Variants in ABLIM2 observed in about 807,000 individuals in gnomAD.
ABLIM2 encodes actin-binding LIM protein 2.
In ABLIM2, 53 loss-of-function variants were observed where a neutral mutation model predicts 97.7. The observed-to-expected ratio is 0.54, with a 90% CI of 0.44 to 0.68. ABLIM2 has a LOEUF of 0.68. Ranked by LOEUF, ABLIM2 falls within the 30% of genes least tolerant of loss-of-function variation. ABLIM2 has a pLI of 0.00. For synonymous variants in ABLIM2, 361 were observed against 345.8 expected (o/e 1.04, Z -0.49); for missense variants, 835 against 867.2 (o/e 0.96, Z 0.47).
rs1192591002 is a variant in ABLIM2 at position 8,003,421 on chromosome 4, C to T, written c.1618+4638G>A. 2.6e-5 allele frequency among the ~76,000 whole-genome samples: 4 copies of T among 152,112 alleles called. No homozygotes were observed. Among genetic ancestry groups the T allele is most frequent in the South Asian group, 2.1e-4 (1 of 4,824 alleles). On this transcript the variant is annotated intron_variant, in intron 16 of 20. Coordinates refer to ENST00000447017, the MANE Select transcript of ABLIM2 (RefSeq NM_001130083.2). The surrounding 1 kb of genome is among the most constrained non-coding windows in gnomAD (Gnocchi z 4.2). ...TGGAGGGTGTGTGGGTACTGAGGTT[C>T]GCTTTCTACCCAATATACATCGCTT...
chr4:8,124,090 A>G lies in ABLIM2; in HGVS notation c.11-17453T>C, dbSNP rs2152895704. On this transcript the variant is annotated intron_variant, in intron 1 of 20. Coordinates refer to ENST00000447017, the MANE Select transcript of ABLIM2 (RefSeq NM_001130083.2). The surrounding 1 kb of genome is among the most constrained non-coding windows in gnomAD (Gnocchi z 6.1). ...TGTAGGCCACAAACAAAAACCACAC[A>G]CTCTCACACACCTGGGACATATGAT... is the stretch of plus-strand genomic sequence containing the variant. 6.6e-6 allele frequency among the ~76,000 whole-genome samples: 1 copy of G among 152,028 alleles called. No homozygotes were observed. Among genetic ancestry groups the G allele is most frequent in the East Asian group, 1.9e-4 (1 of 5,162 alleles).
chr4:8,054,340 A>ACGTCTGTG lies in ABLIM2; in HGVS notation c.764-95_764-94insCACAGACG. 2 of 1,322,736 alleles carry ACGTCTGTG rather than the reference A, an allele frequency of 1.5e-6. No individual in the cohort carries two copies. Among genetic ancestry groups the ACGTCTGTG allele is most frequent in the Non-Finnish European group, 2.2e-6 (2 of 930,224 alleles). 81.9% of individuals were successfully genotyped at this position (1,322,736 alleles called of 1,614,324 possible). ...CGCAGAGGAGGGAGCTGGTCCATGC[A>ACGTCTGTG]CAGACGTGCACTCGGACTCCACCCT... On this transcript the variant is annotated intron_variant, in intron 7 of 20. Coordinates refer to ENST00000447017, the MANE Select transcript of ABLIM2 (RefSeq NM_001130083.2). This position sits in a 1 kb window ranked among gnomAD's most constrained non-coding sequence, Gnocchi z 4.9.
Position 8,061,027 on chromosome 4 carries a change from A to G in ABLIM2, c.703T>C (p.Cys235Arg). The stretch of plus-strand genomic sequence containing the variant: ...TGGCCGCACCTGACACATAGCGCGC[A>G]GGAAGGGTGGTAGTGCTTCTCTCCG... ...EAGEKHYHPSCALCVRCGQMF... is the reference protein window; with the variant it reads ...EAGEKHYHPSRALCVRCGQMF... The change falls in exon 7 of 21, where the codon TGC becomes CGC. Residue 235 changes from cysteine (C) to arginine (R), a missense_variant. Transcript: ENST00000447017. This position sits in a 1 kb window ranked among gnomAD's most constrained non-coding sequence, Gnocchi z 4.5. 6.3e-7 allele frequency: 1 copy of G among 1,597,904 alleles called. No homozygotes were observed. The highest frequency in any genetic ancestry group is 1.3e-5 in the African/African-American group (1 of 74,786).
In ABLIM2 at chr4:8,008,995, A is replaced by C. The variant is rs915394824; in HGVS notation, c.1476+55T>G. The C allele has an allele frequency of 1.9e-6, 3 of 1,603,082 alleles. No homozygotes were observed. In the African/African-American group the frequency reaches 4.0e-5, roughly 21 times the overall value. On this transcript the variant is annotated intron_variant, in intron 15 of 20. Transcript: ENST00000447017. ...TCTCAATCGGAGAAGCCCTCACAAA[A>C]GCAATTTCTTTCTGAGCAAGGCTGT...
At chr4:8,151,796 G>C (rs1712898980) in intron 1 of ABLIM2, among the ~76,000 whole-genome samples, 1 of 151,608 alleles carries the variant, frequency 6.6e-6, no homozygotes, top group African/African-American at 2.4e-5. Flanking sequence ...TGTGTAAGCA[G>C]GGGGAGAGGC....
At chr4:8,062,951 G>A (rs183243420) in intron 6 of ABLIM2, among the ~76,000 whole-genome samples, 1 of 152,340 alleles carries the variant, frequency 6.6e-6, no homozygotes, top group African/African-American at 2.4e-5. Context: ...AACAGCAGGA[G>A]TTCTGTGACA....
chr4:8,068,437 C>T lies in ABLIM2; in HGVS notation c.676-7383G>A, dbSNP rs1809515983. On this transcript the variant is annotated intron_variant, in intron 6 of 20. Coordinates refer to ENST00000447017, the MANE Select transcript of ABLIM2 (RefSeq NM_001130083.2). The surrounding 1 kb of genome is among the most constrained non-coding windows in gnomAD (Gnocchi z 4.5). Reference sequence around the variant, plus strand: ...GGCAGCGGTTTAAGGGACGTCCCCACTGTGACGTGCAGAATAGGGCCAGCA... The same window carrying T: ...GGCAGCGGTTTAAGGGACGTCCCCATTGTGACGTGCAGAATAGGGCCAGCA... Among the ~76,000 whole-genome samples, 1 of 152,186 alleles carries T rather than the reference C, an allele frequency of 6.6e-6. No individual in the cohort carries two copies. The highest frequency in any genetic ancestry group is 6.5e-5 in the Admixed American group (1 of 15,278).
chr4:8,039,807 G>A (rs1321603381), intron 9 of ABLIM2, among the ~76,000 whole-genome samples: 1 of 151,172 alleles, frequency 6.6e-6, no homozygotes, highest in East Asian at 1.9e-4. Flanking sequence ...TATCTCAGAA[G>A]CATCGGCAGG....
Position 8,008,096 on chromosome 4 carries a change from G to T in ABLIM2, c.1581C>A (p.Asp527Glu), listed in dbSNP as rs766457929. Residue 527 changes from aspartate to glutamate, a missense_variant, in exon 16 of 21, where the codon GAC becomes GAA. By Grantham distance (45) the Asp-to-Glu change is conservative (BLOSUM62 2). Coordinates refer to ENST00000447017, the MANE Select transcript of ABLIM2 (RefSeq NM_001130083.2). ...SLSHSSGTDRDPLQRMAGDSF... is the reference protein window; with the variant it reads ...SLSHSSGTDREPLQRMAGDSF... ...TGTCCCCTGCCATCCTTTGGAGAGG[G>T]TCTCTGTCGGTCCCGCTGCTGTGGG... 31 of 1,614,024 alleles carry T rather than the reference G, an allele frequency of 1.9e-5. No homozygotes were observed. The highest frequency in any genetic ancestry group is 2.5e-5 in the Non-Finnish European group (29 of 1,179,892).
At chr4:8,097,535 G>C (rs1398117059) in intron 2 of ABLIM2, among the ~76,000 whole-genome samples, 1 of 152,222 alleles carries the variant, frequency 6.6e-6, no homozygotes, top group Non-Finnish European at 1.5e-5. Context: ...ACCGGGACAA[G>C]AGCCAGGCTC....
intron 14 of ABLIM2, among the ~76,000 whole-genome samples, chr4:8,012,494 C>T (rs549537418): frequency 4.7e-5 from 7 of 147,546 alleles, no homozygotes; most frequent in South Asian, 4.6e-4. Context: ...ACTCATCCAT[C>T]CATCCATCCA....
At chr4:8,119,570 C>T (rs1844355535) in intron 1 of ABLIM2, among the ~76,000 whole-genome samples, 1 of 152,088 alleles carries the variant, frequency 6.6e-6, no homozygotes. Flanking sequence ...TCATGATCCG[C>T]CCACCTGGGT....
At chr4:8,031,418 G>T (rs1780829048) in intron 10 of ABLIM2, among the ~76,000 whole-genome samples, 1 of 152,212 alleles carries the variant, frequency 6.6e-6, no homozygotes, top group Non-Finnish European at 1.5e-5. Flanking sequence ...ATGAAAAGAT[G>T]CCCGGCCCCA....
At position 8,005,620 on chromosome 4, in the gene ABLIM2, G is replaced by T. The variant is rs1760755644; in HGVS notation, c.1618+2439C>A. Among the ~76,000 whole-genome samples, 2 of 152,198 alleles carry T rather than the reference G, an allele frequency of 1.3e-5. No homozygotes were observed. Among genetic ancestry groups the T allele is most frequent in the African/African-American group, 4.8e-5 (2 of 41,452 alleles). On this transcript the variant is annotated intron_variant, in intron 16 of 20. Transcript: ENST00000447017. This position sits in a 1 kb window ranked among gnomAD's most constrained non-coding sequence, Gnocchi z 4.9. Reference sequence around the variant, plus strand: ...CCCTTCCCGCCTGGATTCCTCAGGAGGCCGCAGACGGCAAGGCTCACCTGA... The same window carrying T: ...CCCTTCCCGCCTGGATTCCTCAGGATGCCGCAGACGGCAAGGCTCACCTGA...
In ABLIM2 at chr4:8,150,975, C is replaced by T. The variant is rs184192918; in HGVS notation, c.10+7705G>A. 6.6e-6 allele frequency among the ~76,000 whole-genome samples: 1 copy of T among 152,294 alleles called. No individual in the cohort carries two copies. The highest frequency in any genetic ancestry group is 6.5e-5 in the Admixed American group (1 of 15,308). ...TACAGCTGTGACAAAGGCCATTCTG[C>T]CCGTTCCCTGGTGCCTGCCGTGCCC... On this transcript the variant is annotated intron_variant, in intron 1 of 20. Transcript: ENST00000447017. The surrounding 1 kb of genome is among the most constrained non-coding windows in gnomAD (Gnocchi z 6.3).
chr4:8,037,912 GCT>G (rs1785603675), intron 9 of ABLIM2, among the ~76,000 whole-genome samples: 1 of 152,212 alleles, frequency 6.6e-6, no homozygotes. Flanking sequence ...GCTGCCCTCT[GCT>G]CTGATTCTGC....
At chr4:8,035,495 C>A (rs991305714) in intron 10 of ABLIM2, among the ~76,000 whole-genome samples, 2 of 152,220 alleles carry the variant, frequency 1.3e-5, no homozygotes, top group African/African-American at 4.8e-5. Flanking sequence ...CACACACACT[C>A]GGGCCAACAG....
intron 1 of ABLIM2, among the ~76,000 whole-genome samples, chr4:8,119,735 A>C (rs1450821119): frequency 6.6e-6 from 1 of 152,210 alleles, no homozygotes; most frequent in Non-Finnish European, 1.5e-5. Context: ...TTTAAAAAAC[A>C]AACAAACAAT....
intron 20 of ABLIM2, among the ~76,000 whole-genome samples, chr4:7,973,075 CTGTGTGTGTGTGTGTG>C (rs71175444): frequency 1.6e-5 from 2 of 123,978 alleles, no homozygotes; most frequent in Non-Finnish European, 1.7e-5. Flanking sequence ...GCTCCCCTTG[CTGTGTGTGTGTGTGTG>C]TGTGTGTGTG....
Sources: gnomAD v4.1 joint callset for allele counts (sites outside exome capture counted in the v4.1 genomes callset) on GRCh38, gnomAD v4.1.1 for gene constraint, Gnocchi (gnomAD v3.1) non-coding constraint, MANE v1.5 for transcripts, NCBI Gene and HGNC (gene_info 2026-07-23, HGNC 2026-07-21) for gene names.